Variants in CALN1 observed in about 807,000 individuals in gnomAD.
CALN1 encodes the protein calneuron 1.
A neutral mutation model predicts 30.6 loss-of-function variants in CALN1; 17 were observed. The ratio of observed to expected loss-of-function variants is 0.56; its 90% CI spans 0.38 to 0.83. CALN1 has a LOEUF of 0.83. Ranked by LOEUF, CALN1 falls within the 40% of genes least tolerant of loss-of-function variation. The probability of loss-of-function intolerance (pLI) is 0.00; values close to 1 mark genes in which losing one functional copy is unlikely to be tolerated. For synonymous variants in CALN1, 156 were observed against 131.4 expected, an observed-to-expected ratio of 1.19 and a Z score of -1.28; for missense variants, 291 against 354.9, an observed-to-expected ratio of 0.82 and a Z score of 1.45.
At chr7:72,099,789 C>T (rs1220188517) in intron 4 of CALN1, among the ~76,000 whole-genome samples, 1 of 152,078 alleles carries the variant, frequency 6.6e-6, no homozygotes, top group Admixed American at 6.6e-5. Flanking sequence ...AATAAATGTG[C>T]TTTTACGTGA....
chr7:72,423,623 C>A (rs947748114), intron 1 of CALN1, among the ~76,000 whole-genome samples: 1 of 152,128 alleles, frequency 6.6e-6, no homozygotes, highest in Non-Finnish European at 1.5e-5. Flanking sequence ...ACCACCTGGG[C>A]GAATTCAAAG....
rs571307527 is a variant in CALN1 at position 72,267,729 on chromosome 7, G to A, written c.244+10957C>T. ...TGTAGTTAGTAACAGTACCTGGGCC[G>A]GGTGTGTTGACTCACATCTGTAATC... On this transcript the variant is annotated intron_variant, in intron 3 of 6. Coordinates refer to ENST00000395275, the MANE Select transcript of CALN1 (RefSeq NM_031468.4). 5.3e-5 allele frequency among the ~76,000 whole-genome samples: 8 copies of A among 152,330 alleles called. No homozygotes were observed. The East Asian group carries it at 7.7e-4, about 15-fold the overall frequency.
chr7:72,244,160 C>T (rs1252898181), intron 3 of CALN1, among the ~76,000 whole-genome samples: 11 of 152,188 alleles, frequency 7.2e-5, no homozygotes, highest in Non-Finnish European at 1.3e-4. Flanking sequence ...CCTAAAGTTA[C>T]GTTTTTGAAG....
intron 3 of CALN1, among the ~76,000 whole-genome samples, chr7:72,190,325 TGGGTGACAGA>T (rs1790514185): frequency 6.6e-6 from 1 of 152,208 alleles, no homozygotes. Context: ...CACTCCAGCC[TGGGTGACAGA>T]GCAAGACTCC....
chr7:71,994,245 C>T (rs1799122129), intron 5 of CALN1, among the ~76,000 whole-genome samples: 1 of 152,104 alleles, frequency 6.6e-6, no homozygotes, highest in Non-Finnish European at 1.5e-5. Flanking sequence ...GGCACGGTGG[C>T]CCATGCCTAT....
intron 2 of CALN1, among the ~76,000 whole-genome samples, chr7:72,333,691 G>GAA (rs5884885): frequency 2.2e-4 from 24 of 107,786 alleles, no homozygotes; most frequent in African/African-American, 5.3e-4. Flanking sequence ...GGAATATGCA[G>GAA]AAAAAAAAAA....
chr7:72,246,423 G>C lies in CALN1; in HGVS notation c.244+32263C>G, dbSNP rs565744748. On this transcript the variant is annotated intron_variant, in intron 3 of 6. Coordinates refer to ENST00000395275, the MANE Select transcript of CALN1 (RefSeq NM_031468.4). ...ACACGGTGGCTTGGTGATGTCCCTT[G>C]GAGAGTGGTGTCCTCCCTGGGAAGC... 1.1e-4 allele frequency among the ~76,000 whole-genome samples: 17 copies of C among 152,220 alleles called. 1 individual carries two copies. The South Asian group carries it at 3.5e-3, about 32-fold the overall frequency.
At chr7:72,310,688 G>A (rs1159459673) in intron 2 of CALN1, among the ~76,000 whole-genome samples, 1 of 151,860 alleles carries the variant, frequency 6.6e-6, no homozygotes, top group Non-Finnish European at 1.5e-5. Flanking sequence ...TGGATCACCT[G>A]AGGCCGGGAG....
rs540394537 is a variant in CALN1 at position 72,158,534 on chromosome 7, G to C, written c.245-52240C>G. Among the ~76,000 whole-genome samples the C allele has an allele frequency of 2.0e-4, 31 of 152,296 alleles. No individual in the cohort carries two copies. The Middle Eastern group carries it at 0.01, about 50-fold the overall frequency. On this transcript the variant is annotated intron_variant, in intron 3 of 6. Transcript: ENST00000395275. ...AAACTCACTTTCACAGCCTTGTTTAGCTACAGTGTGGAGAAGTGACCCAAT... is the reference window on the plus strand; with the variant it reads ...AAACTCACTTTCACAGCCTTGTTTACCTACAGTGTGGAGAAGTGACCCAAT...
chr7:72,051,154 G>T (rs1402553268), intron 4 of CALN1, among the ~76,000 whole-genome samples: 1 of 151,756 alleles, frequency 6.6e-6, no homozygotes, highest in Non-Finnish European at 1.5e-5. Context: ...TTAGTTAATT[G>T]GGAAATTCAC....
intron 2 of CALN1, 147 bp downstream of exon 2, chr7:72,403,104 G>C (rs1806450719): frequency 1.7e-6 from 1 of 598,292 alleles, no homozygotes; most frequent in Non-Finnish European, 2.9e-6. Context: ...TACCCAGCCA[G>C]GACAGCTCTC....
intron 3 of CALN1, among the ~76,000 whole-genome samples, chr7:72,175,486 T>C (rs776841317): frequency 6.6e-6 from 1 of 152,118 alleles, no homozygotes; most frequent in Non-Finnish European, 1.5e-5. Context: ...CAGATGTCCA[T>C]CAGAAACAAG....
At chr7:72,015,284 G>A (rs1055085804) in intron 5 of CALN1, among the ~76,000 whole-genome samples, 2 of 152,150 alleles carry the variant, frequency 1.3e-5, no homozygotes, top group African/African-American at 4.8e-5. Flanking sequence ...GTAACTAAGT[G>A]GATCTCAAAC....
intron 2 of CALN1, among the ~76,000 whole-genome samples, chr7:72,364,825 T>TA (rs1413699405): frequency 2.0e-5 from 3 of 152,290 alleles, no homozygotes; most frequent in Non-Finnish European, 4.4e-5. Flanking sequence ...AAAGTAGTAT[T>TA]AGTATTCGAG....
chr7:72,397,438 G>A (rs1806035487), intron 2 of CALN1, among the ~76,000 whole-genome samples: 2 of 152,096 alleles, frequency 1.3e-5, no homozygotes, highest in Admixed American at 1.3e-4. Flanking sequence ...ATGTTGCCTG[G>A]TCATCTCCAT....
At chr7:72,232,396 G>C (rs918543560) in intron 3 of CALN1, among the ~76,000 whole-genome samples, 1 of 152,204 alleles carries the variant, frequency 6.6e-6, no homozygotes, top group Non-Finnish European at 1.5e-5. Context: ...CAACAAATAA[G>C]AGATGGTTAA....
intron 2 of CALN1, among the ~76,000 whole-genome samples, chr7:72,339,802 G>A (rs571124893): frequency 8.5e-5 from 13 of 152,176 alleles, no homozygotes; most frequent in Non-Finnish European, 1.5e-4. Flanking sequence ...ATCAGATCTC[G>A]TGAGACTTAT....
chr7:72,402,276 G>C (rs915901870), intron 2 of CALN1, among the ~76,000 whole-genome samples: 6 of 152,208 alleles, frequency 3.9e-5, no homozygotes, highest in African/African-American at 1.4e-4. Flanking sequence ...GTAGCATCCT[G>C]TTCCTGGGTC....
chr7:71,988,115 C>T (rs1465848733), intron 5 of CALN1, among the ~76,000 whole-genome samples: 1 of 152,142 alleles, frequency 6.6e-6, no homozygotes, highest in Admixed American at 6.5e-5. Context: ...ATCATCACCA[C>T]CATCATTGTC....
Sources: allele counts gnomAD v4.1 joint callset (sites outside exome capture counted in the v4.1 genomes callset), GRCh38; gene constraint gnomAD v4.1.1; transcripts MANE v1.5; gene names NCBI Gene and HGNC (gene_info 2026-07-23, HGNC 2026-07-21).